FAM193B: variants seen among roughly 807,000 people sequenced by gnomAD.
FAM193B encodes the protein protein FAM193B.
FAM193B carries 27 observed loss-of-function variants against 70.7 expected under a neutral mutation model. That is an observed-to-expected ratio of 0.38 (90% CI 0.28 to 0.53). The LOEUF (loss-of-function observed/expected upper bound fraction) is 0.53. Ranked by LOEUF, FAM193B falls within the 20% of genes least tolerant of loss-of-function variation. FAM193B has a pLI of 0.81. For missense variants in FAM193B, 1,022 were observed against 1,072.5 expected (o/e 0.95, Z 0.66); for synonymous variants, 448 against 436.0 (o/e 1.03, Z -0.34).
chr5:177,524,669 C>G lies in FAM193B; in HGVS notation c.1812G>C (p.Pro604=). ...SRVIWVKTPK[P]GYPSSEEPSS... is the part of the protein sequence containing the mutation. ...TTGGCTCCTCGGAGCTGGGGTAGCC[C>G]GGCTTGGGTGTCTTGACCCAGATCA... The change falls in exon 6 of 9, where the codon CCG becomes CCC. Residue 604 remains proline (P), a synonymous_variant. Coordinates refer to ENST00000514747, the MANE Select transcript of FAM193B (RefSeq NM_001190946.3). 1 of 1,611,556 alleles carries G rather than the reference C, an allele frequency of 6.2e-7. No homozygotes were observed. The highest frequency in any genetic ancestry group is 8.5e-7 in the Non-Finnish European group (1 of 1,179,054).
At position 177,532,459 on chromosome 5, in the gene FAM193B, A is replaced by C. The variant is rs763351611; in HGVS notation, c.1259T>G (p.Phe420Cys). 5.0e-6 allele frequency: 8 copies of C among 1,611,392 alleles called. No individual in the cohort carries two copies. In the South Asian group the frequency reaches 8.9e-5, roughly 18 times the overall value. ...GKFCDCCYCE[F>C]FGHNAEKEKA... ...CTCACTCACCGCATTGTGGCCGAAG[A>C]ACTCACAGTAGCAGCAGTCACAGAA... Residue 420 changes from phenylalanine (F) to cysteine (C), a missense_variant, in exon 5 of 9, where the codon TTC (phenylalanine) becomes TGC (cysteine). By Grantham distance (205) the Phe-to-Cys change is radical (BLOSUM62 -2). Transcript: ENST00000514747. This position sits in a 1 kb window ranked among gnomAD's most constrained non-coding sequence, Gnocchi z 4.9.
chr5:177,554,123 G>A, intron 1 of FAM193B, 126 bp downstream of exon 1: 1 of 1,411,178 alleles, frequency 7.1e-7, no homozygotes, highest in South Asian at 1.4e-5. Flanking sequence ...TTCGGCGCCG[G>A]ACCCGGGGGA....
intron 1 of FAM193B, among the ~76,000 whole-genome samples, chr5:177,540,723 A>C (rs1159874074): frequency 6.6e-6 from 1 of 152,140 alleles, no homozygotes; most frequent in East Asian, 1.9e-4. Context: ...CTCATGAGAG[A>C]TAGAAAGTGG....
chr5:177,528,192 C>A (rs1240154809), intron 5 of FAM193B, among the ~76,000 whole-genome samples: 3 of 152,180 alleles, frequency 2.0e-5, no homozygotes, highest in Non-Finnish European at 2.9e-5. Context: ...AGGACAAACA[C>A]AAATGCCAGA....
At position 177,524,986 on chromosome 5, in the gene FAM193B, T is replaced by C. The variant is rs777203219; in HGVS notation, c.1495A>G (p.Ser499Gly). The C allele has an allele frequency of 1.3e-6, 2 of 1,518,826 alleles. No individual in the cohort carries two copies. Among genetic ancestry groups the C allele is most frequent in the Non-Finnish European group, 1.8e-6 (2 of 1,133,946 alleles). 94.1% of individuals were successfully genotyped at this position (1,518,826 alleles called of 1,614,324 possible). Residue 499 changes from serine (S) to glycine (G), a missense_variant, in exon 6 of 9, where the codon AGC (serine) becomes GGC (glycine). Coordinates refer to ENST00000514747, the MANE Select transcript of FAM193B (RefSeq NM_001190946.3). Reference protein sequence around the residue: ...SFSVCELSMDSNGFSKEGAAE... With the variant: ...SFSVCELSMDGNGFSKEGAAE... ...GCCCCCTCCTTAGAGAAGCCATTGC[T>C]GTCCATGCTGAGCTCACACACACTG...
intron 1 of FAM193B, 104 bp downstream of exon 1, chr5:177,554,145 C>T (rs1221135321): frequency 6.9e-7 from 1 of 1,442,896 alleles, no homozygotes; most frequent in Non-Finnish European, 9.1e-7. Context: ...GGCTGCTACC[C>T]CAGCCGCGGC....
At position 177,524,281 on chromosome 5, in the gene FAM193B, G is replaced by T. The variant is rs369098880; in HGVS notation, c.2200C>A (p.Gln734Lys). The T allele has an allele frequency of 4.4e-6, 7 of 1,581,946 alleles. No homozygotes were observed. Among genetic ancestry groups the T allele is most frequent in the Non-Finnish European group, 6.0e-6 (7 of 1,164,196 alleles). Residue 734 changes from glutamine to lysine, a missense_variant, in exon 6 of 9, where the codon CAG (glutamine) becomes AAG (lysine). Coordinates refer to ENST00000514747, the MANE Select transcript of FAM193B (RefSeq NM_001190946.3). Reference protein sequence around the residue: ...KARPQEQESVQPSGPARPQSL... With the variant: ...KARPQEQESVKPSGPARPQSL... ...TGTGGCCTTGCTGGGCCTGAGGGCT[G>T]CACAGACTCCTGCTCCTGAGGCCGT...
intron 1 of FAM193B, chr5:177,553,711 G>A: frequency 7.8e-7 from 1 of 1,287,832 alleles, no homozygotes; most frequent in Non-Finnish European, 1.0e-6. Flanking sequence ...AAACTCCTCC[G>A]GGCAGCCTGG....
Position 177,524,570 on chromosome 5 carries a change from G to T in FAM193B, c.1911C>A (p.Gly637=), listed in dbSNP as rs1762294032. The T allele has an allele frequency of 6.2e-7, 1 of 1,610,176 alleles. No individual in the cohort carries two copies. Among genetic ancestry groups the T allele is most frequent in the Admixed American group, 1.7e-5 (1 of 59,412 alleles). Residue 637 remains glycine (G), a synonymous_variant, in exon 6 of 9, where the codon GGC becomes GGA. Coordinates refer to ENST00000514747, the MANE Select transcript of FAM193B (RefSeq NM_001190946.3). ...TCTTGGCCTGACTGCCCTGCCTCTT[G>T]CCCTTCTGTGGCTTCCCACCTGAGG... ...PVSSGGKPQK[G]KRQGSQAKKS... is the part of the protein sequence containing the mutation.
Position 177,524,429 on chromosome 5 carries a change from G to A in FAM193B, c.2052C>T (p.Gly684=), listed in dbSNP as rs762844350. The A allele has an allele frequency of 4.4e-6, 7 of 1,604,154 alleles. No homozygotes were observed. The highest frequency in any genetic ancestry group is 6.0e-6 in the Non-Finnish European group (7 of 1,175,482). ...PGRVLELPKV[G]SCAEAGEGSR... ...TCCCCTCTCCAGCCTCAGCACAGCT[G>A]CCTACTTTGGGAAGCTCTAGGACCC... The change falls in exon 6 of 9, where the codon GGC becomes GGT. Residue 684 remains glycine (G), a synonymous_variant. Coordinates refer to ENST00000514747, the MANE Select transcript of FAM193B (RefSeq NM_001190946.3).
At position 177,532,783 on chromosome 5, in the gene FAM193B, T is replaced by A; in HGVS notation, c.1077-142A>T. ...CCAGGTGGTCCAACTACATTGCACC[T>A]CTCACCTGAACAGGGCGAACACCTG... On this transcript the variant is annotated intron_variant, in intron 4 of 8. Coordinates refer to ENST00000514747, the MANE Select transcript of FAM193B (RefSeq NM_001190946.3). This position sits in a 1 kb window ranked among gnomAD's most constrained non-coding sequence, Gnocchi z 4.9. 1.4e-6 allele frequency: 1 copy of A among 698,248 alleles called. No homozygotes were observed. The highest frequency in any genetic ancestry group is 2.2e-6 in the Non-Finnish European group (1 of 445,494). 43.3% of individuals were successfully genotyped at this position (698,248 alleles called of 1,614,324 possible). A position where few individuals can be genotyped will look rare whatever the true frequency, so the allele number is the denominator to read the frequency against.
chr5:177,553,529 A>AG, intron 1 of FAM193B: 2 of 1,142,544 alleles, frequency 1.8e-6, no homozygotes, highest in South Asian at 3.6e-5. Context: ...AAAGAAAGTG[A>AG]CCTTCTTCCA....
intron 8 of FAM193B, among the ~76,000 whole-genome samples, chr5:177,521,610 T>G (rs1761752109): frequency 6.6e-6 from 1 of 151,918 alleles, no homozygotes. Context: ...ACATCAGGGG[T>G]GAGGGCAGCC....
chr5:177,532,092 G>A lies in FAM193B; in HGVS notation c.1275+351C>T, dbSNP rs1319453854. 2 of 1,305,720 alleles carry A rather than the reference G, an allele frequency of 1.5e-6. No homozygotes were observed. Among genetic ancestry groups the A allele is most frequent in the Admixed American group, 4.5e-5 (2 of 43,980 alleles). 80.9% of individuals were successfully genotyped at this position (1,305,720 alleles called of 1,614,324 possible). A position where few individuals can be genotyped will look rare whatever the true frequency, so the allele number is the denominator to read the frequency against. ...CACTTGGGGGACTGAGAGCCTTTTTGCTTCCACTCTGCCTTCATCACTCCC... is the reference window on the plus strand; with the variant it reads ...CACTTGGGGGACTGAGAGCCTTTTTACTTCCACTCTGCCTTCATCACTCCC... On this transcript the variant is annotated intron_variant, in intron 5 of 8. Coordinates refer to ENST00000514747, the MANE Select transcript of FAM193B (RefSeq NM_001190946.3). This position sits in a 1 kb window ranked among gnomAD's most constrained non-coding sequence, Gnocchi z 4.9.
At chr5:177,523,902 T>C in intron 7 of FAM193B, 55 bp downstream of exon 7, 1 of 1,587,142 alleles carries the variant, frequency 6.3e-7, no homozygotes, top group Non-Finnish European at 8.7e-7. Context: ...AGGGCTTGAG[T>C]GTGGGCAGGA....
At chr5:177,536,269 T>C (rs1764147840) in intron 4 of FAM193B, 89 bp downstream of exon 4, 2 of 1,371,818 alleles carry the variant, frequency 1.5e-6, no homozygotes, top group Admixed American at 2.3e-5. Flanking sequence ...TAGTCTACTT[T>C]TTAATTGCCA....
Position 177,539,089 on chromosome 5 carries a change from C to A in FAM193B, c.269G>T (p.Arg90Leu). 1 of 1,610,730 alleles carries A rather than the reference C, an allele frequency of 6.2e-7. No individual in the cohort carries two copies. The highest frequency in any genetic ancestry group is 2.2e-5 in the East Asian group (1 of 44,836). ...AGAAGGGCCTTCTTCCCAGCCTTTG[C>A]GTTCCCGGTGACACAGCAGGCAGCA... ...QTCCLLCHRERKGWEEGPSQN... is the reference protein window; with the variant it reads ...QTCCLLCHRELKGWEEGPSQN... Residue 90 changes from arginine to leucine, a missense_variant, in exon 2 of 9, where the codon CGC (arginine) becomes CTC (leucine). Coordinates refer to ENST00000514747, the MANE Select transcript of FAM193B (RefSeq NM_001190946.3).
intron 5 of FAM193B, among the ~76,000 whole-genome samples, chr5:177,527,324 C>G (rs1215654736): frequency 6.6e-6 from 1 of 152,130 alleles, no homozygotes; most frequent in African/African-American, 2.4e-5. Flanking sequence ...AGGGGCTGAT[C>G]GTGAAGGGCC....
At chr5:177,551,702 C>G (rs1032883444) in intron 1 of FAM193B, among the ~76,000 whole-genome samples, 1 of 152,210 alleles carries the variant, frequency 6.6e-6, no homozygotes, top group Non-Finnish European at 1.5e-5. Flanking sequence ...TGGGGCATTA[C>G]AACAAGCCTG....
Sources: gnomAD v4.1 joint callset for allele counts (sites outside exome capture counted in the v4.1 genomes callset) on GRCh38, gnomAD v4.1.1 for gene constraint, Gnocchi (gnomAD v3.1) non-coding constraint, MANE v1.5 for transcripts, NCBI Gene and HGNC (gene_info 2026-07-23, HGNC 2026-07-21) for gene names.